Variants in C8orf34 observed in about 807,000 individuals in gnomAD.
C8orf34 encodes chromosome 8 open reading frame 34, also known as uncharacterized protein C8orf34.
C8orf34 carries 65 observed loss-of-function variants against 68.3 expected under a neutral mutation model. The observed-to-expected ratio is 0.95, with a 90% CI of 0.78 to 1.17. The LOEUF (loss-of-function observed/expected upper bound fraction) is 1.17. Ranked by LOEUF, C8orf34 falls within the 50% of genes most tolerant of loss-of-function variation. C8orf34 has a pLI of 0.00. For synonymous variants in C8orf34, 244 were observed against 241.2 expected, an observed-to-expected ratio of 1.01 and a Z score of -0.11; for missense variants, 664 against 655.4, an observed-to-expected ratio of 1.01 and a Z score of -0.14.
At chr8:68,776,244 A>T (rs1056876624) in intron 10 of C8orf34, among the ~76,000 whole-genome samples, 155 bp from the exon 11 acceptor site, 4 of 152,198 alleles carry the variant, frequency 2.6e-5, no homozygotes, top group African/African-American at 7.2e-5. Flanking sequence ...AAAGAGTAAG[A>T]AGTTGGCAAA....
At chr8:68,396,976 T>C (rs1437666927) in intron 1 of C8orf34, among the ~76,000 whole-genome samples, 2 of 151,914 alleles carry the variant, frequency 1.3e-5, no homozygotes, top group African/African-American at 2.4e-5. Flanking sequence ...CACCCCTTCA[T>C]TGTTTTTGTT....
At chr8:68,599,962 G>T (rs1349017801) in intron 7 of C8orf34, among the ~76,000 whole-genome samples, 1 of 151,640 alleles carries the variant, frequency 6.6e-6, no homozygotes, top group African/African-American at 2.4e-5. Context: ...CACAAAAGTG[G>T]GAAAAAACTT....
Position 68,749,285 on chromosome 8 carries a change from C to T in C8orf34, c.1405-27114C>T, listed in dbSNP as rs1027356588. On this transcript the variant is annotated intron_variant, in intron 10 of 13. Coordinates refer to ENST00000518698, the MANE Select transcript of C8orf34 (RefSeq NM_052958.4). ...ATTGCATTGGGAGATATACCTAATG[C>T]GAGATGACGAGTTAGAGGGTGCAGT... Among the ~76,000 whole-genome samples, 21 of 151,778 alleles carry T rather than the reference C, an allele frequency of 1.4e-4. 1 individual carries two copies. The highest frequency in any genetic ancestry group is 8.5e-4 in the Admixed American group (13 of 15,254).
chr8:68,369,231 A>T (rs1183747427), intron 1 of C8orf34, among the ~76,000 whole-genome samples: 1 of 152,244 alleles, frequency 6.6e-6, no homozygotes, highest in Non-Finnish European at 1.5e-5. Context: ...TCTCTGAACC[A>T]TTCCATTATT....
chr8:68,553,462 C>T (rs1264582381), intron 7 of C8orf34, among the ~76,000 whole-genome samples: 1 of 148,240 alleles, frequency 6.7e-6, no homozygotes, highest in African/African-American at 2.5e-5. Context: ...AGTACAAATT[C>T]TTTAAATGTT....
At chr8:68,498,693 G>A (rs1379864036) in intron 5 of C8orf34, among the ~76,000 whole-genome samples, 2 of 151,944 alleles carry the variant, frequency 1.3e-5, no homozygotes, top group Non-Finnish European at 2.9e-5. Context: ...TATAATGTAA[G>A]GTCCATAAAT....
chr8:68,387,318 A>G (rs1808302746), intron 1 of C8orf34, among the ~76,000 whole-genome samples: 2 of 152,064 alleles, frequency 1.3e-5, no homozygotes, highest in South Asian at 4.1e-4. Flanking sequence ...GGTGACTGGG[A>G]TGTGTAAGGT....
chr8:68,606,434 A>T (rs773292764), intron 7 of C8orf34, among the ~76,000 whole-genome samples: 2 of 152,150 alleles, frequency 1.3e-5, no homozygotes, highest in Non-Finnish European at 2.9e-5. Context: ...TATGGATAAA[A>T]GTTGGCCCAT....
At chr8:68,396,396 G>A (rs985893864) in intron 1 of C8orf34, among the ~76,000 whole-genome samples, 9 of 151,642 alleles carry the variant, frequency 5.9e-5, no homozygotes, top group Non-Finnish European at 1.3e-4. Flanking sequence ...TGTAAACTTG[G>A]GCAAGTCAGT....
chr8:68,585,258 TG>T (rs1817175077), intron 7 of C8orf34, among the ~76,000 whole-genome samples: 1 of 152,092 alleles, frequency 6.6e-6, no homozygotes, highest in African/African-American at 2.4e-5. Flanking sequence ...CATAGCTTCT[TG>T]GAAGTGACAG....
chr8:68,472,359 G>T (rs1812416647), intron 4 of C8orf34, among the ~76,000 whole-genome samples: 1 of 152,080 alleles, frequency 6.6e-6, no homozygotes, highest in Non-Finnish European at 1.5e-5. Context: ...CTTCTTTGAG[G>T]CCATGATGGA....
chr8:68,562,787 C>A (rs1014583511), intron 7 of C8orf34, among the ~76,000 whole-genome samples: 1 of 152,146 alleles, frequency 6.6e-6, no homozygotes, highest in Admixed American at 6.5e-5. Flanking sequence ...ATTGGGCGAT[C>A]CTTAAGTGGT....
intron 8 of C8orf34, among the ~76,000 whole-genome samples, chr8:68,708,011 T>C (rs1356186107): frequency 1.3e-5 from 2 of 152,286 alleles, no homozygotes; most frequent in South Asian, 2.1e-4. Flanking sequence ...TTTAAAGTGG[T>C]CTTTTTCCCA....
At chr8:68,358,828 C>T (rs1806861422) in intron 1 of C8orf34, among the ~76,000 whole-genome samples, 1 of 151,868 alleles carries the variant, frequency 6.6e-6, no homozygotes, top group African/African-American at 2.4e-5. Context: ...GCCTCAGCCT[C>T]CTGAGTGTAC....
intron 3 of C8orf34, chr8:68,448,065 T>G (rs138828700): frequency 4.6e-5 from 7 of 152,198 alleles, no homozygotes; most frequent in African/African-American, 1.7e-4. Context: ...TCTCTTTTTA[T>G]TCTTGCTTTC....
chr8:68,496,564 T>C (rs917124634), intron 5 of C8orf34, among the ~76,000 whole-genome samples: 1 of 152,226 alleles, frequency 6.6e-6, no homozygotes, highest in Admixed American at 6.5e-5. Flanking sequence ...TGACATCAGC[T>C]GTAGACAGTG....
At chr8:68,711,235 T>G (rs1821321962) in intron 9 of C8orf34, among the ~76,000 whole-genome samples, 1 of 152,074 alleles carries the variant, frequency 6.6e-6, no homozygotes, top group Admixed American at 6.6e-5. Context: ...AGTAAAACAA[T>G]TCTGGTAATA....
intron 6 of C8orf34, among the ~76,000 whole-genome samples, chr8:68,524,545 A>G (rs945824031): frequency 6.6e-6 from 1 of 152,196 alleles, no homozygotes; most frequent in African/African-American, 2.4e-5. Flanking sequence ...GAAAGAAATT[A>G]AAGCATTTGA....
chr8:68,420,875 G>GAA (rs10709157), intron 1 of C8orf34, among the ~76,000 whole-genome samples: 42 of 143,988 alleles, frequency 2.9e-4, no homozygotes, highest in Admixed American at 7.0e-4. Context: ...CAAAATCATG[G>GAA]AAAAAAAAAA....
Sources: allele counts gnomAD v4.1 joint callset (sites outside exome capture counted in the v4.1 genomes callset), GRCh38; gene constraint gnomAD v4.1.1; transcripts MANE v1.5; gene names NCBI Gene and HGNC (gene_info 2026-07-23, HGNC 2026-07-21).